The following ZBTB20 variants were observed in gnomAD, a reference collection of about 807,000 sequenced individuals.
The protein encoded by ZBTB20 is zinc finger and BTB domain-containing protein 20.
In ZBTB20, 9 loss-of-function variants were observed where a neutral mutation model predicts 56.9. The observed-to-expected ratio is 0.16, with a 90% confidence interval of 0.10 to 0.28. ZBTB20 has a LOEUF of 0.28. Among genes scored for constraint, ZBTB20 ranks in the 10% least tolerant of loss-of-function variants. The probability of loss-of-function intolerance (pLI) is 1.00; values close to 1 mark genes in which losing one functional copy is unlikely to be tolerated. For missense variants in ZBTB20, 655 were observed against 1,003.0 expected (o/e 0.65, Z 4.69); for synonymous variants, 417 against 420.7 (o/e 0.99, Z 0.11).
At chr3:115,026,148 C>T (rs2080412846) in intron 2 of ZBTB20, among the ~76,000 whole-genome samples, 2 of 150,700 alleles carry the variant, frequency 1.3e-5, no homozygotes. Flanking sequence ...AACCGATGTT[C>T]AATTTGGGGG....
chr3:115,122,746 T>C (rs1167265285), intron 1 of ZBTB20, among the ~76,000 whole-genome samples: 1 of 152,112 alleles, frequency 6.6e-6, no homozygotes, highest in African/African-American at 2.4e-5. Flanking sequence ...GATTAATACA[T>C]TTCTATGCAT....
chr3:115,143,490 A>T (rs1374809902), intron 1 of ZBTB20, among the ~76,000 whole-genome samples: 1 of 152,196 alleles, frequency 6.6e-6, no homozygotes, highest in Non-Finnish European at 1.5e-5. Flanking sequence ...CAATAAAAGG[A>T]GATTCCCATC....
At chr3:114,562,864 T>C (rs2052256776) in intron 6 of ZBTB20, among the ~76,000 whole-genome samples, 2 of 152,340 alleles carry the variant, frequency 1.3e-5, no homozygotes, top group East Asian at 3.9e-4. Context: ...ATTAAATTTG[T>C]CATCTTATAT....
chr3:115,006,350 T>C (rs866614012), intron 2 of ZBTB20, among the ~76,000 whole-genome samples: 1 of 151,782 alleles, frequency 6.6e-6, no homozygotes, highest in Non-Finnish European at 1.5e-5. Flanking sequence ...ATATAGTTTC[T>C]AGCACTTCGG....
At chr3:114,899,964 CAAT>C (rs2075041596) in intron 4 of ZBTB20, among the ~76,000 whole-genome samples, 1 of 151,918 alleles carries the variant, frequency 6.6e-6, no homozygotes, top group Non-Finnish European at 1.5e-5. Context: ...TTAAATAAAA[CAAT>C]AATGGCAAAA....
chr3:114,778,791 G>A (rs1398960066), intron 5 of ZBTB20, among the ~76,000 whole-genome samples: 1 of 152,112 alleles, frequency 6.6e-6, no homozygotes, highest in East Asian at 1.9e-4. Context: ...GATGGACAGA[G>A]TCATTTATTT....
chr3:114,997,359 A>T (rs1201794067), intron 2 of ZBTB20, among the ~76,000 whole-genome samples: 1 of 151,774 alleles, frequency 6.6e-6, no homozygotes, highest in Non-Finnish European at 1.5e-5. Context: ...AATATGCTAA[A>T]CTCTATTCTT....
At chr3:115,130,277 A>C (rs918949798) in intron 1 of ZBTB20, among the ~76,000 whole-genome samples, 3 of 152,122 alleles carry the variant, frequency 2.0e-5, no homozygotes, top group Admixed American at 6.5e-5. Flanking sequence ...TTGTACCTGT[A>C]ATCTATTAGG....
chr3:114,331,029 GAC>G lies in ZBTB20; in HGVS notation c.*7974_*7975del, dbSNP rs2079232012. ...GGCAAAGGCCACATTGGTTTCAGGA[GAC>G]ACAGTTTGTGAATTACGATGATATC... is the stretch of plus-strand genomic sequence containing the variant. On this transcript the variant is annotated 3_prime_UTR_variant, in exon 12 of 12. Transcript: ENST00000675478. 2 of 152,402 alleles carry G rather than the reference GAC, an allele frequency of 1.3e-5. No homozygotes were observed. Among genetic ancestry groups the G allele is most frequent in the Admixed American group, 6.5e-5 (1 of 15,302 alleles). The allele number at this position is 152,402 out of a possible 1,614,324, so 9.4% of individuals were successfully genotyped here.
chr3:114,404,663 C>T (rs2087136187), intron 7 of ZBTB20, among the ~76,000 whole-genome samples: 1 of 152,120 alleles, frequency 6.6e-6, no homozygotes, highest in African/African-American at 2.4e-5. Context: ...GTCAGTGCAT[C>T]CTCAAAGCCA....
intron 4 of ZBTB20, chr3:114,876,457 AT>A (rs2076201497): frequency 6.6e-6 from 1 of 152,212 alleles, no homozygotes; most frequent in African/African-American, 2.4e-5. Flanking sequence ...CTCTAAAAAA[AT>A]AAGATAAAAT....
chr3:115,080,352 C>T (rs1248603543), intron 1 of ZBTB20, among the ~76,000 whole-genome samples: 2 of 152,180 alleles, frequency 1.3e-5, no homozygotes, highest in Non-Finnish European at 2.9e-5. Flanking sequence ...TTACAAAGAT[C>T]AAACATTGTA....
chr3:114,462,378 T>G (rs1325682986), intron 7 of ZBTB20, among the ~76,000 whole-genome samples: 2 of 152,216 alleles, frequency 1.3e-5, no homozygotes. Context: ...ATTTCTTGAT[T>G]TGAAAGTCTA....
intron 2 of ZBTB20, among the ~76,000 whole-genome samples, chr3:115,000,857 GA>G (rs2079217725): frequency 6.6e-6 from 1 of 151,496 alleles, no homozygotes; most frequent in South Asian, 2.1e-4. Context: ...AGAATTCTGA[GA>G]ATATATAACA....
intron 1 of ZBTB20, among the ~76,000 whole-genome samples, chr3:115,146,721 G>T (rs887205231): frequency 1.3e-5 from 2 of 152,048 alleles, no homozygotes; most frequent in African/African-American, 4.8e-5. Context: ...CACGGCAAGC[G>T]GGGGAGGGCG....
chr3:114,480,985 T>G (rs1180700055), intron 7 of ZBTB20, among the ~76,000 whole-genome samples: 3 of 152,092 alleles, frequency 2.0e-5, no homozygotes, highest in African/African-American at 7.2e-5. Context: ...ATAGATGAAG[T>G]TAGTTGTAAA....
chr3:115,138,843 A>G (rs920017323), intron 1 of ZBTB20, among the ~76,000 whole-genome samples: 8 of 152,056 alleles, frequency 5.3e-5, no homozygotes, highest in African/African-American at 1.9e-4. Context: ...GAATGCATTT[A>G]CTTTTCACTG....
At chr3:115,078,215 C>T (rs1008755044) in intron 1 of ZBTB20, among the ~76,000 whole-genome samples, 1 of 152,254 alleles carries the variant, frequency 6.6e-6, no homozygotes, top group East Asian at 1.9e-4. Context: ...GTATATCTCA[C>T]ACTATCTAGA....
chr3:114,365,638 G>A (rs1029549143), intron 10 of ZBTB20, among the ~76,000 whole-genome samples: 1 of 152,210 alleles, frequency 6.6e-6, no homozygotes, highest in African/African-American at 2.4e-5. Context: ...AAACTGTGCA[G>A]GATGTTACAG....
Sources: gnomAD v4.1 joint callset for allele counts (sites outside exome capture counted in the v4.1 genomes callset) on GRCh38, gnomAD v4.1.1 for gene constraint, MANE v1.5 for transcripts, NCBI Gene and HGNC (gene_info 2026-07-23, HGNC 2026-07-21) for gene names.